Variants in PKHD1 observed in about 807,000 individuals in gnomAD.
The protein encoded by PKHD1 is fibrocystin.
PKHD1 carries 291 observed loss-of-function variants against 412.0 expected under a neutral mutation model. The observed-to-expected ratio is 0.71, with a 90% CI of 0.64 to 0.78. The LOEUF (loss-of-function observed/expected upper bound fraction) is 0.78. Among genes scored for constraint, PKHD1 ranks in the 30% least tolerant of loss-of-function variants. The pLI is 0.00. For synonymous variants in PKHD1, 1,777 were observed against 1,821.5 expected, an observed-to-expected ratio of 0.98 and a Z score of 0.62; for missense variants, 4,825 against 4,950.7, an observed-to-expected ratio of 0.97 and a Z score of 0.76.
At chr6:52,063,437 A>G (rs1456421411) in intron 13 of PKHD1, among the ~76,000 whole-genome samples, 1 of 152,240 alleles carries the variant, frequency 6.6e-6, no homozygotes, top group Non-Finnish European at 1.5e-5. Context: ...ATACTCAAAG[A>G]GCCTGGAATA....
At chr6:51,744,295 T>C in intron 60 of PKHD1, 90 bp downstream of exon 60, 1 of 1,118,940 alleles carries the variant, frequency 8.9e-7, no homozygotes, top group Non-Finnish European at 1.4e-6. Context: ...TCTTCACCAG[T>C]ACATTTCATT....
chr6:52,015,816 T>C (rs186517841), intron 34 of PKHD1, among the ~76,000 whole-genome samples: 227 of 150,960 alleles, frequency 1.5e-3, no homozygotes, highest in African/African-American at 5.3e-3. Flanking sequence ...AGAGCAAGAC[T>C]CAGTCTCAAA....
At chr6:52,010,919 A>G (rs1799728913) in intron 34 of PKHD1, among the ~76,000 whole-genome samples, 4 of 152,154 alleles carry the variant, frequency 2.6e-5, no homozygotes, top group Admixed American at 2.6e-4. Flanking sequence ...GAGAAATTGG[A>G]AAACCCACAC....
Position 52,048,522 on chromosome 6 carries a change from G to A in PKHD1, c.2377C>T (p.Arg793Cys), listed in dbSNP as rs779653146. ...RTSPPLGGHF[R>C]IQLPNTVISD... is the part of the protein sequence containing the mutation. The stretch of plus-strand genomic sequence containing the variant: ...ATCACTGTATTAGGAAGCTGGATGC[G>A]AAAGTGTCCTCCTAGAGGTGGACTT... The change falls in exon 23 of 67, where the codon CGC becomes TGC. Residue 793 changes from arginine (R) to cysteine (C), a missense_variant. Arg to Cys is a radical substitution (Grantham distance 180). Transcript: ENST00000371117. 59 of 1,614,074 alleles carry A rather than the reference G, an allele frequency of 3.7e-5. No individual in the cohort carries two copies. The South Asian group carries it at 4.8e-4, about 13-fold the overall frequency.
At position 51,996,722 on chromosome 6, in the gene PKHD1, A is replaced by G. The variant is rs532767865; in HGVS notation, c.5751+13587T>C. 9.2e-5 allele frequency among the ~76,000 whole-genome samples: 14 copies of G among 152,326 alleles called. No individual in the cohort carries two copies. The South Asian group carries it at 2.7e-3, about 29-fold the overall frequency. ...AGGTGACTTGTTTTCACCCCCTCAA[A>G]ATCTCATGCAACAGCAAGGCCTTAA... is the stretch of plus-strand genomic sequence containing the variant. On this transcript the variant is annotated intron_variant, in intron 35 of 66. Coordinates refer to ENST00000371117, the MANE Select transcript of PKHD1 (RefSeq NM_138694.4).
intron 61 of PKHD1, among the ~76,000 whole-genome samples, chr6:51,652,084 A>T (rs1771067196): frequency 6.6e-6 from 1 of 152,172 alleles, no homozygotes; most frequent in Admixed American, 6.5e-5. Context: ...AGGCAGAAGG[A>T]CCTACAGCCA....
chr6:51,700,782 C>G (rs1582158686), intron 60 of PKHD1, among the ~76,000 whole-genome samples: 1 of 152,152 alleles, frequency 6.6e-6, no homozygotes, highest in East Asian at 1.9e-4. Context: ...TTAAAAAACC[C>G]CATGCTTATA....
At chr6:51,783,892 A>G (rs2151210084) in intron 53 of PKHD1, among the ~76,000 whole-genome samples, 1 of 152,264 alleles carries the variant, frequency 6.6e-6, no homozygotes, top group South Asian at 2.1e-4. Flanking sequence ...GTAGTCATTT[A>G]AACATTAACA....
intron 27 of PKHD1, among the ~76,000 whole-genome samples, chr6:52,039,631 T>C (rs1489096856): frequency 6.6e-6 from 1 of 152,194 alleles, no homozygotes; most frequent in Non-Finnish European, 1.5e-5. Flanking sequence ...CTAACACACA[T>C]TGGAACCCTC....
intron 60 of PKHD1, among the ~76,000 whole-genome samples, chr6:51,688,182 A>G (rs1777682715): frequency 6.6e-6 from 1 of 152,224 alleles, no homozygotes; most frequent in African/African-American, 2.4e-5. Context: ...GAGCCATTTT[A>G]TAATACAGTA....
chr6:51,977,468 C>T (rs1355199020), intron 35 of PKHD1, among the ~76,000 whole-genome samples: 1 of 152,222 alleles, frequency 6.6e-6, no homozygotes, highest in African/African-American at 2.4e-5. Flanking sequence ...CCTTTCACCC[C>T]TGTTCTACCA....
At chr6:51,824,413 C>A (rs1766976418) in intron 52 of PKHD1, among the ~76,000 whole-genome samples, 1 of 152,078 alleles carries the variant, frequency 6.6e-6, no homozygotes, top group Admixed American at 6.6e-5. Flanking sequence ...TTGGTGAGAA[C>A]ACCTGCTCTG....
chr6:51,980,873 T>A (rs756558775), intron 35 of PKHD1, among the ~76,000 whole-genome samples: 1 of 152,114 alleles, frequency 6.6e-6, no homozygotes, highest in East Asian at 1.9e-4. Context: ...CTATGAACAA[T>A]AACAATACAG....
At chr6:52,073,781 T>G (rs940255642) in intron 6 of PKHD1, among the ~76,000 whole-genome samples, 2 of 152,206 alleles carry the variant, frequency 1.3e-5, no homozygotes, top group African/African-American at 4.8e-5. Context: ...AATCTTCTAA[T>G]GCATGGAGCA....
intron 60 of PKHD1, among the ~76,000 whole-genome samples, chr6:51,707,752 T>G (rs991331696): frequency 6.6e-6 from 1 of 152,130 alleles, no homozygotes; most frequent in Non-Finnish European, 1.5e-5. Context: ...TATTATCAGA[T>G]CCAATAATTT....
intron 21 of PKHD1, 141 bp from the exon 22 acceptor site, chr6:52,050,436 G>T: frequency 1.2e-6 from 1 of 864,498 alleles, no homozygotes; most frequent in Non-Finnish European, 1.9e-6. Context: ...CTGCCATAAA[G>T]AACACATGGA....
chr6:52,028,789 G>C (rs1429555324), intron 29 of PKHD1, among the ~76,000 whole-genome samples: 1 of 152,204 alleles, frequency 6.6e-6, no homozygotes, highest in African/African-American at 2.4e-5. Flanking sequence ...TGGGATTACA[G>C]GGGTAAGCCA....
intron 61 of PKHD1, among the ~76,000 whole-genome samples, chr6:51,650,868 T>G (rs1307892636): frequency 6.6e-6 from 1 of 152,188 alleles, no homozygotes; most frequent in Non-Finnish European, 1.5e-5. Context: ...TCTTTCCTTT[T>G]TTAAAGGGAA....
rs1783295596 is a variant in PKHD1, at chr6:51,913,467, CT to C, written c.6122-892del. Reference sequence around the variant, plus strand: ...CATCTGTCTCACAGTTTATTCTGGTCTTTTCCAGCAAGGGTCAAGGCACAGA... The same window carrying C: ...CATCTGTCTCACAGTTTATTCTGGTCTTTCCAGCAAGGGTCAAGGCACAGA... On this transcript the variant is annotated intron_variant, in intron 37 of 66. Coordinates refer to ENST00000371117, the MANE Select transcript of PKHD1 (RefSeq NM_138694.4). 2.0e-5 allele frequency among the ~76,000 whole-genome samples: 3 copies of C among 152,162 alleles called. No individual in the cohort carries two copies. In the South Asian group the frequency reaches 6.2e-4, roughly 32 times the overall value.
Sources: allele counts gnomAD v4.1 joint callset (sites outside exome capture counted in the v4.1 genomes callset), GRCh38; gene constraint gnomAD v4.1.1; transcripts MANE v1.5; gene names NCBI Gene and HGNC (gene_info 2026-07-23, HGNC 2026-07-21).